RAVER2: variants seen among roughly 807,000 people sequenced by gnomAD.
RAVER2 encodes ribonucleoprotein, PTB binding 2, also known as ribonucleoprotein PTB-binding 2.
RAVER2 carries 46 observed loss-of-function variants against 78.1 expected under a neutral mutation model. That is an observed-to-expected ratio of 0.59 (90% CI 0.46 to 0.75). The LOEUF (loss-of-function observed/expected upper bound fraction) is 0.75, where lower values mean the gene tolerates loss of function less well. Ranked by LOEUF, RAVER2 falls within the 30% of genes least tolerant of loss-of-function variation. The probability of loss-of-function intolerance (pLI) is 0.00; values close to 1 mark genes in which losing one functional copy is unlikely to be tolerated. For synonymous variants in RAVER2, 311 were observed against 313.3 expected (o/e 0.99, Z 0.08); for missense variants, 793 against 837.5 (o/e 0.95, Z 0.66).
chr1:64,805,621 A>G (rs941615499), intron 8 of RAVER2, among the ~76,000 whole-genome samples: 2 of 152,222 alleles, frequency 1.3e-5, no homozygotes, highest in Admixed American at 6.5e-5. Context: ...AAACAGAAGC[A>G]TGGTGTTATA....
intron 11 of RAVER2, among the ~76,000 whole-genome samples, chr1:64,824,970 G>A (rs990152051): frequency 7.4e-6 from 1 of 134,270 alleles, no homozygotes; most frequent in Non-Finnish European, 1.5e-5. Context: ...TTAGTGCTGT[G>A]CAATACCTTT....
At chr1:64,797,185 T>G (rs1653118041) in intron 5 of RAVER2, among the ~76,000 whole-genome samples, 1 of 152,234 alleles carries the variant, frequency 6.6e-6, no homozygotes, top group Admixed American at 6.5e-5. Flanking sequence ...GTTCCGCTCT[T>G]ACTGGATGTG....
chr1:64,819,631 T>C lies in RAVER2; in HGVS notation c.1929+4791T>C, dbSNP rs560934436. Among the ~76,000 whole-genome samples, 25 of 152,340 alleles carry C rather than the reference T, an allele frequency of 1.6e-4. No homozygotes were observed. The South Asian group carries it at 5.2e-3, about 32-fold the overall frequency. ...CAAAAAACTTACAGATCTAACAGGC[T>C]CAGAGGCCCTCCTGCAAAGCAGGAT... is the stretch of plus-strand genomic sequence containing the variant. On this transcript the variant is annotated intron_variant, in intron 11 of 11. Transcript: ENST00000294428.
At chr1:64,773,488 T>C (rs1383809794) in intron 2 of RAVER2, among the ~76,000 whole-genome samples, 4 of 152,190 alleles carry the variant, frequency 2.6e-5, no homozygotes, top group South Asian at 2.1e-4. Flanking sequence ...GCTTCATCCA[T>C]GTCCCTGCAA....
At chr1:64,767,596 C>G (rs575666866) in intron 1 of RAVER2, among the ~76,000 whole-genome samples, 1 of 152,094 alleles carries the variant, frequency 6.6e-6, no homozygotes, top group African/African-American at 2.4e-5. Context: ...CAGTATAGAA[C>G]AGGTTGGCTG....
rs773710482 is a variant in RAVER2 at position 64,751,196 on chromosome 1, TAGAA to T, written c.249+5780_249+5783del. Among the ~76,000 whole-genome samples, 17 of 152,234 alleles carry T rather than the reference TAGAA, an allele frequency of 1.1e-4. No homozygotes were observed. The South Asian group carries it at 1.2e-3, about 11-fold the overall frequency. On this transcript the variant is annotated intron_variant, in intron 1 of 11. Transcript: ENST00000294428. ...TTTGAACTTGTGACATGTTTTCACATAGAAAGAATATAGTAGATGGTATTTAGTT... is the reference window on the plus strand; with the variant it reads ...TTTGAACTTGTGACATGTTTTCACATAGAATATAGTAGATGGTATTTAGTT...
intron 9 of RAVER2, among the ~76,000 whole-genome samples, chr1:64,807,812 A>G (rs928830618): frequency 5.3e-5 from 8 of 152,166 alleles, no homozygotes; most frequent in Non-Finnish European, 1.0e-4. Flanking sequence ...ATAAGAGAAT[A>G]AGGAATTTCC....
At chr1:64,831,650 TG>T (rs1453052985) in exon 12 of RAVER2, 3 of 152,214 alleles carry the variant, frequency 2.0e-5, no homozygotes, top group Admixed American at 1.3e-4. Flanking sequence ...AAAGTAACTT[TG>T]GTGATCTAAT....
intron 11 of RAVER2, among the ~76,000 whole-genome samples, chr1:64,818,492 C>T (rs970600270): frequency 2.0e-5 from 3 of 151,996 alleles, no homozygotes; most frequent in African/African-American, 2.4e-5. Context: ...GCCGAGATTG[C>T]GCCACTGCAC....
chr1:64,827,972 C>T (rs926751203), intron 11 of RAVER2, among the ~76,000 whole-genome samples: 2 of 152,168 alleles, frequency 1.3e-5, no homozygotes, highest in East Asian at 1.9e-4. Flanking sequence ...TGCCACTGCC[C>T]TCTTCTGCCT....
chr1:64,786,511 C>G (rs538261735), intron 4 of RAVER2, among the ~76,000 whole-genome samples: 3 of 152,322 alleles, frequency 2.0e-5, no homozygotes, highest in Admixed American at 2.0e-4. Flanking sequence ...CTACTTTGGG[C>G]CAGGTGCGGT....
At chr1:64,788,581 A>G (rs148860583) in intron 4 of RAVER2, among the ~76,000 whole-genome samples, 3,202 of 152,012 alleles carry the variant, frequency 0.021, 130 homozygotes, top group African/African-American at 0.074. Context: ...TCACAAGGTC[A>G]GGAGATTGAG....
chr1:64,787,347 A>G (rs1652809759), intron 4 of RAVER2, among the ~76,000 whole-genome samples: 1 of 152,018 alleles, frequency 6.6e-6, no homozygotes, highest in African/African-American at 2.4e-5. Context: ...GGGGAAGGGG[A>G]TGGGCAGAGG....
intron 5 of RAVER2, among the ~76,000 whole-genome samples, chr1:64,799,001 C>T (rs1653181634): frequency 6.6e-6 from 1 of 152,088 alleles, no homozygotes; most frequent in African/African-American, 2.4e-5. Context: ...ACTTAGTCAC[C>T]CTACAGTACT....
At chr1:64,782,918 C>G (rs986049784) in intron 4 of RAVER2, among the ~76,000 whole-genome samples, 2 of 152,148 alleles carry the variant, frequency 1.3e-5, no homozygotes, top group Non-Finnish European at 2.9e-5. Context: ...GTGTGATGTT[C>G]CCCATCCTGT....
intron 2 of RAVER2, among the ~76,000 whole-genome samples, chr1:64,770,490 T>A (rs1240866486): frequency 6.6e-6 from 1 of 151,992 alleles, no homozygotes; most frequent in African/African-American, 2.4e-5. Flanking sequence ...CTCAAGAATA[T>A]TTGTATGCAT....
chr1:64,745,217 C>A lies in RAVER2; in HGVS notation c.45C>A (p.Gly15=). The A allele has an allele frequency of 1.9e-6, 2 of 1,076,252 alleles. No individual in the cohort carries two copies. The highest frequency in any genetic ancestry group is 2.2e-6 in the Non-Finnish European group (2 of 889,354). 66.7% of individuals were successfully genotyped at this position (1,076,252 alleles called of 1,614,324 possible). The change falls in exon 1 of 12, where the codon GGC becomes GGA. Residue 15 remains glycine, a synonymous_variant. Transcript: ENST00000294428. This position sits in a 1 kb window ranked among gnomAD's most constrained non-coding sequence, Gnocchi z 4.3. ...ACGGCGGCGGCGAGGGGGGCGCGGG[C>A]CTGGGCAGCGCGGCGGGGCTGGGGC... is the stretch of plus-strand genomic sequence containing the variant.
chr1:64,788,495 T>C (rs964495295), intron 4 of RAVER2, among the ~76,000 whole-genome samples: 2 of 148,274 alleles, frequency 1.3e-5, no homozygotes, highest in African/African-American at 5.0e-5. Flanking sequence ...AAAAAAACAA[T>C]AATAAAGAAG....
chr1:64,782,307 TC>T (rs1343711801), intron 4 of RAVER2, among the ~76,000 whole-genome samples: 1 of 152,248 alleles, frequency 6.6e-6, no homozygotes, highest in Non-Finnish European at 1.5e-5. Flanking sequence ...TACTCATTCT[TC>T]TCTACTTCTT....
Sources: allele counts gnomAD v4.1 joint callset (sites outside exome capture counted in the v4.1 genomes callset), GRCh38; gene constraint gnomAD v4.1.1; non-coding constraint Gnocchi (gnomAD v3.1); transcripts MANE v1.5; gene names NCBI Gene and HGNC (gene_info 2026-07-23, HGNC 2026-07-21).